The following COL22A1 variants were observed in gnomAD, a reference collection of about 807,000 sequenced individuals.
COL22A1 encodes the protein collagen alpha-1(XXII) chain.
In COL22A1, 221 loss-of-function variants were observed where a neutral mutation model predicts 248.9. That is an observed-to-expected ratio of 0.89 (90% CI 0.80 to 0.99). The LOEUF (loss-of-function observed/expected upper bound fraction) is 0.99. Among genes scored for constraint, COL22A1 ranks in the 50% least tolerant of loss-of-function variants. The pLI is 0.00. For missense variants in COL22A1, 2,240 were observed against 2,179.0 expected, an observed-to-expected ratio of 1.03 and a Z score of -0.56; for synonymous variants, 891 against 793.4, an observed-to-expected ratio of 1.12 and a Z score of -2.07.
At chr8:138,676,873 C>A (rs1275088704) in intron 40 of COL22A1, among the ~76,000 whole-genome samples, 3 of 152,180 alleles carry the variant, frequency 2.0e-5, no homozygotes, top group Admixed American at 2.0e-4. Flanking sequence ...CCCGGACCAA[C>A]CTTGACCATG....
chr8:138,781,037 G>A (rs1814937405), intron 12 of COL22A1, 57 bp from the exon 13 acceptor site: 3 of 1,263,574 alleles, frequency 2.4e-6, no homozygotes, highest in Admixed American at 2.0e-5. Context: ...CAGGCTCTCA[G>A]AATGCTAGTG....
At chr8:138,852,177 G>C (rs900485538) in intron 3 of COL22A1, among the ~76,000 whole-genome samples, 23 of 152,128 alleles carry the variant, frequency 1.5e-4, no homozygotes, top group African/African-American at 5.6e-4. Context: ...CCCAGGTTGG[G>C]GCTGATGGAC....
chr8:138,663,753 A>G lies in COL22A1; in HGVS notation c.3151-13T>C, dbSNP rs1177981553. On this transcript the variant is annotated splice_polypyrimidine_tract_variant and intron_variant, in intron 41 of 64. Transcript: ENST00000303045. The stretch of plus-strand genomic sequence containing the variant: ...GTCCGGAAGGGCCCTAGAAACAAAC[A>G]AACAAGTATGTAAGCAAAGTAGAAA... 1.2e-6 allele frequency: 2 copies of G among 1,605,758 alleles called. No individual in the cohort carries two copies. The highest frequency in any genetic ancestry group is 1.3e-5 in the African/African-American group (1 of 74,848).
At chr8:138,817,458 C>T (rs988936447) in intron 7 of COL22A1, among the ~76,000 whole-genome samples, 1 of 152,150 alleles carries the variant, frequency 6.6e-6, no homozygotes, top group Non-Finnish European at 1.5e-5. Context: ...GACGGAAAGC[C>T]CTCAGGCAAG....
intron 22 of COL22A1, among the ~76,000 whole-genome samples, chr8:138,745,214 A>G (rs1242081428): frequency 6.6e-6 from 1 of 151,064 alleles, no homozygotes; most frequent in East Asian, 1.9e-4. Context: ...AATCTTCCAG[A>G]GAAGATGAAA....
At chr8:138,621,254 G>C (rs559229233) in intron 52 of COL22A1, among the ~76,000 whole-genome samples, 1 of 152,162 alleles carries the variant, frequency 6.6e-6, no homozygotes, top group Non-Finnish European at 1.5e-5. Context: ...GACCGTAATG[G>C]GTACTTGACT....
chr8:138,675,738 T>A (rs186914047), intron 41 of COL22A1, among the ~76,000 whole-genome samples: 1 of 152,164 alleles, frequency 6.6e-6, no homozygotes, highest in South Asian at 2.1e-4. Context: ...TCCCAAAAAC[T>A]ATCATTCAGT....
chr8:138,785,966 G>A (rs6577949), intron 12 of COL22A1, among the ~76,000 whole-genome samples: 46,991 of 151,858 alleles, frequency 0.31, 8,076 homozygotes, highest in African/African-American at 0.46. Context: ...GGTGAACAGC[G>A]GGTGTGGTAG....
chr8:138,730,883 G>A (rs1378533427), intron 23 of COL22A1, among the ~76,000 whole-genome samples: 3 of 152,000 alleles, frequency 2.0e-5, no homozygotes, highest in African/African-American at 7.3e-5. Context: ...ATGGCTAGAT[G>A]GGAGGGGGAG....
At chr8:138,737,140 C>T (rs896580218) in intron 23 of COL22A1, among the ~76,000 whole-genome samples, 6 of 152,210 alleles carry the variant, frequency 3.9e-5, no homozygotes, top group African/African-American at 7.2e-5. Flanking sequence ...GCCCTCCCTC[C>T]GCTCATTCCA....
Position 138,725,443 on chromosome 8 carries a change from G to A in COL22A1, c.2140-3C>T, listed in dbSNP as rs544904004. On this transcript the variant is annotated splice_polypyrimidine_tract_variant and splice_region_variant and intron_variant, in intron 23 of 64. Transcript: ENST00000303045. ...ACACCAGGGGGTCCTGGAGGGCCCTGTAGAGAAAGAGCATTTGGTGGGCTA... is the reference window on the plus strand; with the variant it reads ...ACACCAGGGGGTCCTGGAGGGCCCTATAGAGAAAGAGCATTTGGTGGGCTA... 5.0e-6 allele frequency: 8 copies of A among 1,612,798 alleles called. No homozygotes were observed. The highest frequency in any genetic ancestry group is 1.6e-4 in the Middle Eastern group (1 of 6,066).
rs548806149 is a variant in COL22A1 at position 138,843,185 on chromosome 8, A to T, written c.733+899T>A. Among the ~76,000 whole-genome samples the T allele has an allele frequency of 2.0e-5, 3 of 152,080 alleles. No individual in the cohort carries two copies. In the East Asian group the frequency reaches 5.8e-4, roughly 30 times the overall value. ...GAGCAGCCTTCCACCATTCCAGAAAAATCCCCCAGGCACAAGATGCAGATG... is the reference window on the plus strand; with the variant it reads ...GAGCAGCCTTCCACCATTCCAGAAATATCCCCCAGGCACAAGATGCAGATG... On this transcript the variant is annotated intron_variant, in intron 4 of 64. Coordinates refer to ENST00000303045, the MANE Select transcript of COL22A1 (RefSeq NM_152888.3).
intron 12 of COL22A1, among the ~76,000 whole-genome samples, chr8:138,795,987 G>A (rs919754545): frequency 5.3e-5 from 8 of 152,112 alleles, no homozygotes; most frequent in African/African-American, 1.9e-4. Context: ...TTGAGTCCAC[G>A]CGTGCCTGTA....
intron 12 of COL22A1, among the ~76,000 whole-genome samples, chr8:138,790,058 C>A (rs946267550): frequency 2.0e-5 from 3 of 152,128 alleles, no homozygotes; most frequent in Admixed American, 2.0e-4. Flanking sequence ...TGCCAAATAT[C>A]TCATAGTAGC....
chr8:138,829,591 C>G (rs560461381), intron 5 of COL22A1, among the ~76,000 whole-genome samples: 57 of 151,648 alleles, frequency 3.8e-4, no homozygotes, highest in African/African-American at 1.3e-3. Context: ...TTTTAGTAGA[C>G]AGGGTTTCAG....
chr8:138,746,203 C>T (rs978478069), intron 22 of COL22A1, among the ~76,000 whole-genome samples: 1 of 152,204 alleles, frequency 6.6e-6, no homozygotes, highest in Non-Finnish European at 1.5e-5. Context: ...TCTGTTGCCC[C>T]CCAACCCATG....
chr8:138,611,072 A>T lies in COL22A1; in HGVS notation c.3978+2795T>A, dbSNP rs910092500. Among the ~76,000 whole-genome samples, 18 of 152,230 alleles carry T rather than the reference A, an allele frequency of 1.2e-4. 1 individual carries two copies. The highest frequency in any genetic ancestry group is 9.8e-4 in the Admixed American group (15 of 15,274). Reference sequence around the variant, plus strand: ...CACAGTGAGAGCCTGTCTCAAAAAAAGAAGTCACTTCGCTTTCCCTCTTCT... The same window carrying T: ...CACAGTGAGAGCCTGTCTCAAAAAATGAAGTCACTTCGCTTTCCCTCTTCT... On this transcript the variant is annotated intron_variant, in intron 56 of 64. Transcript: ENST00000303045.
At chr8:138,730,024 C>A (rs984820152) in intron 23 of COL22A1, among the ~76,000 whole-genome samples, 1 of 152,154 alleles carries the variant, frequency 6.6e-6, no homozygotes, top group African/African-American at 2.4e-5. Context: ...TTTCAGCCCA[C>A]GGCTAGGATA....
chr8:138,766,127 G>A (rs1355825044), intron 16 of COL22A1, among the ~76,000 whole-genome samples: 3 of 152,222 alleles, frequency 2.0e-5, no homozygotes, highest in African/African-American at 7.2e-5. Flanking sequence ...CCTGGAACCT[G>A]ACTCTCCCAG....
Sources: allele counts gnomAD v4.1 joint callset (sites outside exome capture counted in the v4.1 genomes callset), GRCh38; gene constraint gnomAD v4.1.1; transcripts MANE v1.5; gene names NCBI Gene and HGNC (gene_info 2026-07-23, HGNC 2026-07-21).